PKD1L3: variants seen among roughly 807,000 people sequenced by gnomAD.
PKD1L3 encodes the protein polycystin-1-like protein 3.
PKD1L3 carries 239 observed loss-of-function variants against 184.1 expected under a neutral mutation model. That is an observed-to-expected ratio of 1.30 (90% confidence interval 1.17 to 1.45). The LOEUF is 1.45. PKD1L3 is among the 40% of genes most tolerant of loss of function. The pLI is 0.00. For missense variants in PKD1L3, 2,660 were observed against 2,067.2 expected (o/e 1.29, Z -5.56); for synonymous variants, 996 against 778.8 (o/e 1.28, Z -4.64).
chr16:71,952,829 C>A, intron 18 of PKD1L3, 65 bp downstream of exon 18: 2 of 1,478,040 alleles, frequency 1.4e-6, no homozygotes, highest in Non-Finnish European at 1.8e-6. Flanking sequence ...CAGAGCCAGA[C>A]CCTATGTCAA....
In PKD1L3 at chr16:71,973,417, C is replaced by G; in HGVS notation, c.1860G>C (p.Gln620His). The G allele has an allele frequency of 6.4e-7, 1 of 1,551,668 alleles. No homozygotes were observed. Among genetic ancestry groups the G allele is most frequent in the Non-Finnish European group, 8.7e-7 (1 of 1,147,006 alleles). ...AVLSERQEGA[Q>H]QTPSLVSVIT... ...TGACCGAGACCAAGCTGGGTGTCTGCTGAGCACCCTCCTGCCTCTCACTCA... is the reference window on the plus strand; with the variant it reads ...TGACCGAGACCAAGCTGGGTGTCTGGTGAGCACCCTCCTGCCTCTCACTCA... Residue 620 changes from glutamine (Q) to histidine (H), a missense_variant, in exon 12 of 30, where the codon CAG becomes CAC. Physicochemically the swap from Gln to His is conservative, Grantham distance 24. Coordinates refer to ENST00000620267, the MANE Select transcript of PKD1L3 (RefSeq NM_181536.2).
In PKD1L3 at chr16:71,990,273, C is replaced by T. The variant is rs1363660565; in HGVS notation, c.585+7G>A. On this transcript the variant is annotated splice_region_variant and intron_variant, in intron 4 of 29. Coordinates refer to ENST00000620267, the MANE Select transcript of PKD1L3 (RefSeq NM_181536.2). ...TCACAATGTATGTTGTCAAGGGAAG[C>T]ACTTACAAGATGAGCAGGAAGAGGA... 10 of 1,540,432 alleles carry T rather than the reference C, an allele frequency of 6.5e-6. No homozygotes were observed. Among genetic ancestry groups the T allele is most frequent in the Non-Finnish European group, 7.9e-6 (9 of 1,137,698 alleles).
At chr16:71,952,731 G>A (rs1012865063) in intron 18 of PKD1L3, among the ~76,000 whole-genome samples, 163 bp downstream of exon 18, 5 of 151,700 alleles carry the variant, frequency 3.3e-5, no homozygotes, top group African/African-American at 1.2e-4. Flanking sequence ...AGCTACTTGG[G>A]AGGCTGAGGT....
At chr16:71,937,540 G>A (rs1330960574) in intron 24 of PKD1L3, 121 bp from the exon 25 acceptor site, 7 of 1,075,498 alleles carry the variant, frequency 6.5e-6, no homozygotes, top group Non-Finnish European at 9.2e-6. Context: ...GAGTCTCAGT[G>A]CTCCACTTAG....
intron 16 of PKD1L3, among the ~76,000 whole-genome samples, chr16:71,957,658 A>C (rs983478056): frequency 6.6e-6 from 1 of 152,068 alleles, no homozygotes. Context: ...TTAGCAAGGC[A>C]TGGTGGCACA....
intron 28 of PKD1L3, among the ~76,000 whole-genome samples, chr16:71,932,164 A>C (rs2037997822): frequency 1.3e-5 from 2 of 152,210 alleles, no homozygotes; most frequent in Non-Finnish European, 2.9e-5. Flanking sequence ...AACTGAACCT[A>C]CCCATTTTAA....
intron 11 of PKD1L3, among the ~76,000 whole-genome samples, chr16:71,975,810 C>T (rs937737559): frequency 2.0e-5 from 3 of 152,218 alleles, no homozygotes; most frequent in Admixed American, 6.5e-5. Context: ...AATACACACA[C>T]ATACAGAAAT....
At chr16:71,952,179 G>A (rs955777601) in intron 18 of PKD1L3, among the ~76,000 whole-genome samples, 1 of 150,266 alleles carries the variant, frequency 6.7e-6, no homozygotes, top group African/African-American at 2.4e-5. Flanking sequence ...CACTGCGTGG[G>A]GAAAGGGAGC....
intron 3 of PKD1L3, among the ~76,000 whole-genome samples, chr16:71,992,442 A>G (rs2040625246): frequency 6.6e-6 from 1 of 152,250 alleles, no homozygotes; most frequent in Non-Finnish European, 1.5e-5. Flanking sequence ...CTAAACTCAC[A>G]TTGCGGGACA....
chr16:71,989,935 T>C (rs2040522640), intron 4 of PKD1L3, among the ~76,000 whole-genome samples: 1 of 151,512 alleles, frequency 6.6e-6, no homozygotes. Context: ...ATTAGCTGGG[T>C]GTGGTGGCGC....
intron 16 of PKD1L3, among the ~76,000 whole-genome samples, chr16:71,955,270 G>T (rs2039000352): frequency 6.6e-6 from 1 of 152,036 alleles, no homozygotes. Context: ...GATGGTATGT[G>T]TGTGTGTGTG....
intron 4 of PKD1L3, among the ~76,000 whole-genome samples, 188 bp from the exon 5 acceptor site, chr16:71,986,657 A>G (rs1224991343): frequency 3.3e-5 from 5 of 152,184 alleles, no homozygotes; most frequent in African/African-American, 9.7e-5. Flanking sequence ...CTTGAGATTC[A>G]TGATTTATAT....
At chr16:71,933,345 G>A in intron 28 of PKD1L3, 75 bp downstream of exon 28, 5 of 1,140,998 alleles carry the variant, frequency 4.4e-6, no homozygotes, top group Non-Finnish European at 2.6e-6. Flanking sequence ...GTAGGGGGCT[G>A]TTTTCATAAG....
intron 10 of PKD1L3, 88 bp from the exon 11 acceptor site, chr16:71,977,555 T>C (rs1408384738): frequency 5.3e-6 from 4 of 756,192 alleles, no homozygotes; most frequent in African/African-American, 3.2e-5. Context: ...GGAAACGTCC[T>C]AGCTCTTTTT....
chr16:71,999,532 T>C (rs956996967), intron 1 of PKD1L3, among the ~76,000 whole-genome samples, 152 bp downstream of exon 1: 13 of 152,160 alleles, frequency 8.5e-5, no homozygotes, highest in East Asian at 1.9e-4. Context: ...TCGCACAAAA[T>C]GGAAATATTT....
chr16:71,962,612 G>A (rs1378015418), intron 16 of PKD1L3, among the ~76,000 whole-genome samples: 2 of 151,870 alleles, frequency 1.3e-5, no homozygotes, highest in African/African-American at 2.4e-5. Context: ...TTAGCCTCCC[G>A]AGTAGCTGGG....
chr16:71,945,289 T>TACAC lies in PKD1L3; in HGVS notation c.3719-1120_3719-1119insGTGT, dbSNP rs1404179795. ...AACTATATATATATATATATATATA[T>TACAC]ATATATATATATATATACACACACA... On this transcript the variant is annotated intron_variant, in intron 22 of 29. Coordinates refer to ENST00000620267, the MANE Select transcript of PKD1L3 (RefSeq NM_181536.2). 9.3e-5 allele frequency among the ~76,000 whole-genome samples: 6 copies of TACAC among 64,430 alleles called. 2 individuals are homozygous for TACAC. The highest frequency in any genetic ancestry group is 4.4e-4 in the African/African-American group (6 of 13,600). The allele number at this position is 64,430 out of a possible 152,430, so 42.3% of individuals were successfully genotyped here. A position where few individuals can be genotyped will look rare whatever the true frequency, so the allele number is the denominator to read the frequency against.
intron 19 of PKD1L3, among the ~76,000 whole-genome samples, chr16:71,951,245 G>GA (rs1421267084): frequency 6.6e-6 from 1 of 152,088 alleles, no homozygotes. Flanking sequence ...TCGCCATGTT[G>GA]GCTAGGCTGG....
chr16:71,945,767 G>T (rs547721030), intron 22 of PKD1L3, among the ~76,000 whole-genome samples: 1 of 152,086 alleles, frequency 6.6e-6, no homozygotes, highest in Admixed American at 6.6e-5. Flanking sequence ...TCAGTGAAGA[G>T]TGAGCAAATA....
Sources: allele counts gnomAD v4.1 joint callset (sites outside exome capture counted in the v4.1 genomes callset), GRCh38; gene constraint gnomAD v4.1.1; transcripts MANE v1.5; gene names NCBI Gene and HGNC (gene_info 2026-07-23, HGNC 2026-07-21).